The following ZNF704 variants were observed in gnomAD, a reference collection of about 807,000 sequenced individuals.
ZNF704 encodes the protein glucocorticoid induced gene 1.
ZNF704 carries 10 observed loss-of-function variants against 44.7 expected under a neutral mutation model. The ratio of observed to expected loss-of-function variants is 0.22; its 90% CI spans 0.14 to 0.38. ZNF704 has a LOEUF of 0.38. Among genes scored for constraint, ZNF704 ranks in the 10% least tolerant of loss-of-function variants. The probability of loss-of-function intolerance (pLI) is 1.00; values close to 1 mark genes in which losing one functional copy is unlikely to be tolerated. For synonymous variants in ZNF704, 211 were observed against 207.6 expected, an observed-to-expected ratio of 1.02 and a Z score of -0.14; for missense variants, 390 against 545.5, an observed-to-expected ratio of 0.71 and a Z score of 2.84.
chr8:80,741,298 T>C (rs1806751785), intron 2 of ZNF704, among the ~76,000 whole-genome samples: 2 of 152,196 alleles, frequency 1.3e-5, no homozygotes, highest in African/African-American at 4.8e-5. Context: ...AGCCCCAGTG[T>C]TAAGCTTGCC....
intron 2 of ZNF704, among the ~76,000 whole-genome samples, chr8:80,738,727 T>C (rs1806707165): frequency 1.3e-5 from 2 of 152,236 alleles, no homozygotes; most frequent in Admixed American, 6.5e-5. Flanking sequence ...AATATTGTTC[T>C]TTCCCAGATA....
chr8:80,843,209 CAG>C lies in ZNF704; in HGVS notation c.-21-21596_-21-21595del, dbSNP rs372214440. Among the ~76,000 whole-genome samples the C allele has an allele frequency of 2.0e-3, 303 of 152,330 alleles. 2 individuals are homozygous for C. Among genetic ancestry groups the C allele is most frequent in the African/African-American group, 6.8e-3 (282 of 41,578 alleles). On this transcript the variant is annotated intron_variant, in intron 1 of 8. Transcript: ENST00000327835. ...TCATTTAATTTAGTACTTTGAAAGA[CAG>C]AATCTGTAGACGGTGGGACTTTATA...
chr8:80,712,736 C>T (rs1819005909), intron 2 of ZNF704, among the ~76,000 whole-genome samples: 1 of 151,900 alleles, frequency 6.6e-6, no homozygotes, highest in Non-Finnish European at 1.5e-5. Flanking sequence ...AAAAGTATCA[C>T]CAGTGAGCCG....
chr8:80,706,087 C>T (rs1447060291), intron 2 of ZNF704, among the ~76,000 whole-genome samples: 1 of 152,150 alleles, frequency 6.6e-6, no homozygotes, highest in Non-Finnish European at 1.5e-5. Context: ...GTAAATGTCA[C>T]GATTATTCTC....
chr8:80,800,700 C>T lies in ZNF704; in HGVS notation c.221+20674G>A, dbSNP rs138719220. Among the ~76,000 whole-genome samples the T allele has an allele frequency of 4.4e-3, 671 of 152,258 alleles. 4 individuals carry two copies. Among genetic ancestry groups the T allele is most frequent in the African/African-American group, 0.015 (624 of 41,546 alleles). ...GAGGAAAAACTGTTACCAGCCACTA[C>T]AAAAACACACTGAAGTACACAGATC... On this transcript the variant is annotated intron_variant, in intron 2 of 8. Coordinates refer to ENST00000327835, the MANE Select transcript of ZNF704 (RefSeq NM_001033723.3).
intron 7 of ZNF704, chr8:80,645,146 C>T: frequency 6.2e-7 from 1 of 1,606,492 alleles, no homozygotes; most frequent in Middle Eastern, 2.3e-4. Flanking sequence ...CGTATTTGTC[C>T]AAATAGTAAA....
At chr8:80,655,275 T>A (rs1403493051) in intron 7 of ZNF704, among the ~76,000 whole-genome samples, 1 of 151,910 alleles carries the variant, frequency 6.6e-6, no homozygotes. Context: ...ACATGGCACA[T>A]GTATACATAT....
intron 2 of ZNF704, among the ~76,000 whole-genome samples, chr8:80,804,729 G>T (rs1807959278): frequency 6.6e-6 from 1 of 152,088 alleles, no homozygotes; most frequent in South Asian, 2.1e-4. Context: ...AATGGATACT[G>T]GGCTTAATAT....
At chr8:80,782,006 A>G (rs1044805291) in intron 2 of ZNF704, among the ~76,000 whole-genome samples, 2 of 152,206 alleles carry the variant, frequency 1.3e-5, no homozygotes, top group African/African-American at 4.8e-5. Flanking sequence ...GGCTTTTGCT[A>G]TATCTCATAA....
At chr8:80,674,875 T>G (rs1184191589) in intron 4 of ZNF704, among the ~76,000 whole-genome samples, 1 of 152,174 alleles carries the variant, frequency 6.6e-6, no homozygotes, top group Admixed American at 6.5e-5. Flanking sequence ...AGAGAACCAA[T>G]GACTCAAGCA....
At chr8:80,854,193 A>C (rs1260786416) in intron 1 of ZNF704, among the ~76,000 whole-genome samples, 1 of 152,232 alleles carries the variant, frequency 6.6e-6, no homozygotes, top group East Asian at 1.9e-4. Context: ...AGACATAATC[A>C]ATGCTTTGCT....
chr8:80,766,041 C>T (rs890476622), intron 2 of ZNF704, among the ~76,000 whole-genome samples: 1 of 152,056 alleles, frequency 6.6e-6, no homozygotes, highest in Non-Finnish European at 1.5e-5. Flanking sequence ...TTTCCTTGTC[C>T]AATTACTACT....
At chr8:80,658,310 G>C (rs1196872248) in intron 7 of ZNF704, among the ~76,000 whole-genome samples, 1 of 151,686 alleles carries the variant, frequency 6.6e-6, no homozygotes, top group Non-Finnish European at 1.5e-5. Context: ...AACTGTGGCT[G>C]CCATTTTAGG....
intron 2 of ZNF704, among the ~76,000 whole-genome samples, chr8:80,747,093 C>T (rs747157798): frequency 3.9e-5 from 6 of 152,090 alleles, no homozygotes; most frequent in Non-Finnish European, 7.4e-5. Flanking sequence ...GATCCCAATG[C>T]TTCTAGCTTT....
intron 2 of ZNF704, among the ~76,000 whole-genome samples, chr8:80,798,065 T>C (rs1013420258): frequency 6.6e-6 from 1 of 152,168 alleles, no homozygotes; most frequent in Non-Finnish European, 1.5e-5. Context: ...TTTTTTCATT[T>C]TAATTTTTAA....
chr8:80,742,234 T>G (rs1264968504), intron 2 of ZNF704, among the ~76,000 whole-genome samples: 1 of 152,170 alleles, frequency 6.6e-6, no homozygotes, highest in South Asian at 2.1e-4. Flanking sequence ...GAAATGCTTA[T>G]AGAAGGACCC....
At chr8:80,722,248 A>C (rs549128500) in intron 2 of ZNF704, among the ~76,000 whole-genome samples, 1 of 152,062 alleles carries the variant, frequency 6.6e-6, no homozygotes, top group East Asian at 1.9e-4. Context: ...CCCACTCCAA[A>C]AAAACAAAAC....
intron 7 of ZNF704, among the ~76,000 whole-genome samples, chr8:80,651,954 T>C (rs1585923863): frequency 6.6e-6 from 1 of 151,372 alleles, no homozygotes; most frequent in Admixed American, 6.6e-5. Context: ...GAACAGAAAT[T>C]ATAACAAACT....
intron 2 of ZNF704, among the ~76,000 whole-genome samples, chr8:80,709,442 CAAAAAAAAAAAA>C (rs780264820): frequency 5.0e-4 from 8 of 15,886 alleles, no homozygotes; most frequent in South Asian, 7.9e-3. Context: ...GACTCCATCT[CAAAAAAAAAAAA>C]AAAAAAAAAA....
Sources: gnomAD v4.1 joint callset for allele counts (sites outside exome capture counted in the v4.1 genomes callset) on GRCh38, gnomAD v4.1.1 for gene constraint, MANE v1.5 for transcripts, NCBI Gene and HGNC (gene_info 2026-07-23, HGNC 2026-07-21) for gene names.